Variants in MRPS33 observed in about 807,000 individuals in gnomAD.
MRPS33 encodes mitochondrial ribosomal protein S33.
In MRPS33, 11 loss-of-function variants were observed where a neutral mutation model predicts 11.2. That is an observed-to-expected ratio of 0.99 (90% CI 0.62 to 1.63). MRPS33 has a LOEUF of 1.63. Ranked by LOEUF, MRPS33 falls within the 40% of genes most tolerant of loss-of-function variation. The pLI is 0.00. For missense variants in MRPS33, 109 were observed against 127.8 expected (o/e 0.85, Z 0.71); for synonymous variants, 46 against 44.0 (o/e 1.05, Z -0.18).
At chr7:141,012,120 T>TATGA (rs1389048728) in intron 1 of MRPS33, among the ~76,000 whole-genome samples, 2 of 128,596 alleles carry the variant, frequency 1.6e-5, no homozygotes, top group African/African-American at 2.9e-5. Context: ...TACACTAAGT[T>TATGA]ATGACTGCAC....
At chr7:141,007,565 TG>T (rs1484984002) in intron 2 of MRPS33, among the ~76,000 whole-genome samples, 1 of 152,176 alleles carries the variant, frequency 6.6e-6, no homozygotes, top group East Asian at 1.9e-4. Context: ...CAAATGCCAT[TG>T]TCCTTACTAT....
At chr7:141,013,061 G>GA (rs1028182526) in intron 1 of MRPS33, among the ~76,000 whole-genome samples, 11,469 of 128,442 alleles carry the variant, frequency 0.089, 454 homozygotes, top group Middle Eastern at 0.14. Flanking sequence ...TCATGTTTAA[G>GA]AAAAAAAAAA....
rs562183357 is a variant in MRPS33 at position 141,004,089 on chromosome 7, A to T, written c.*2341T>A. The T allele has an allele frequency of 4.6e-5, 7 of 152,214 alleles. No individual in the cohort carries two copies. The highest frequency in any genetic ancestry group is 1.0e-4 in the Non-Finnish European group (7 of 68,046). The allele number at this position is 152,214 out of a possible 1,614,324, so 9.4% of individuals were successfully genotyped here. A position where few individuals can be genotyped will look rare whatever the true frequency, so the allele number is the denominator to read the frequency against. On this transcript the variant is annotated 3_prime_UTR_variant, in exon 3 of 3. Transcript: ENST00000324787. ...TCTGAGGTGGGTGGATCAGGAGGTC[A>T]AGAGGTTGAGACCATCCTGGCTAAC... is the stretch of plus-strand genomic sequence containing the variant.
chr7:141,010,323 A>C, intron 2 of MRPS33, 96 bp downstream of exon 2: 2 of 1,220,432 alleles, frequency 1.6e-6, no homozygotes, highest in South Asian at 2.9e-5. Context: ...CTCTATTATA[A>C]GAACAAAACT....
chr7:141,006,102 TC>T lies in MRPS33; in HGVS notation c.*327del, dbSNP rs1820517713. 3 of 307,174 alleles carry T rather than the reference TC, an allele frequency of 9.8e-6. No individual in the cohort carries two copies. Among genetic ancestry groups the T allele is most frequent in the Admixed American group, 4.7e-5 (1 of 21,158 alleles). 19.0% of individuals were successfully genotyped at this position (307,174 alleles called of 1,614,324 possible). ...GAGAAATGAGGACACTATAGGATGC[TC>T]ACTTAATGAGGTTTCCCCTCCATTC... On this transcript the variant is annotated 3_prime_UTR_variant, in exon 3 of 3. Coordinates refer to ENST00000324787, the MANE Select transcript of MRPS33 (RefSeq NM_053035.3).
At chr7:141,010,696 G>C in intron 1 of MRPS33, 36 bp from the exon 2 acceptor site, 1 of 1,483,560 alleles carries the variant, frequency 6.7e-7, no homozygotes, top group Non-Finnish European at 9.4e-7. Flanking sequence ...ACAGGTTAGG[G>C]TAAGAAATTC....
At chr7:141,012,599 T>C (rs975293233) in intron 1 of MRPS33, among the ~76,000 whole-genome samples, 1 of 152,234 alleles carries the variant, frequency 6.6e-6, no homozygotes, top group African/African-American at 2.4e-5. Flanking sequence ...TTTCCAAACA[T>C]TAGATTAAAA....
chr7:141,010,307 C>T, intron 2 of MRPS33, 112 bp downstream of exon 2: 4 of 984,744 alleles, frequency 4.1e-6, no homozygotes, highest in Non-Finnish European at 6.0e-6. Flanking sequence ...TTTTGAACTA[C>T]CTGGGCTCTA....
rs1313093341 is a variant in MRPS33 at position 141,002,670 on chromosome 7, T to TTA, written c.*3758_*3759dup. On this transcript the variant is annotated 3_prime_UTR_variant, in exon 3 of 3. Transcript: ENST00000324787. Reference sequence around the variant, plus strand: ...TGATTTATAAATACAAGCATTATGGTTATATATGTTTAAATATATGATGCC... The same window carrying TTA: ...TGATTTATAAATACAAGCATTATGGTTATATATATGTTTAAATATATGATGCC... 1.7e-5 allele frequency: 4 copies of TTA among 234,328 alleles called. No homozygotes were observed. The Admixed American group carries it at 2.0e-4, about 12-fold the overall frequency. 14.5% of individuals were successfully genotyped at this position (234,328 alleles called of 1,614,324 possible). A position where few individuals can be genotyped will look rare whatever the true frequency, so the allele number is the denominator to read the frequency against.
chr7:141,002,670 TTATA>T lies in MRPS33; in HGVS notation c.*3756_*3759del, dbSNP rs1313093341. 1 of 234,328 alleles carries T rather than the reference TTATA, an allele frequency of 4.3e-6. No individual in the cohort carries two copies. The highest frequency in any genetic ancestry group is 9.9e-5 in the East Asian group (1 of 10,126). The allele number at this position is 234,328 out of a possible 1,614,324, so 14.5% of individuals were successfully genotyped here. A position where few individuals can be genotyped will look rare whatever the true frequency, so the allele number is the denominator to read the frequency against. On this transcript the variant is annotated 3_prime_UTR_variant, in exon 3 of 3. Transcript: ENST00000324787. Reference sequence around the variant, plus strand: ...TGATTTATAAATACAAGCATTATGGTTATATATGTTTAAATATATGATGCCTTAT... The same window carrying T: ...TGATTTATAAATACAAGCATTATGGTTATGTTTAAATATATGATGCCTTAT...
intron 2 of MRPS33, chr7:141,009,939 G>C (rs1820632757): frequency 6.5e-6 from 1 of 154,240 alleles, no homozygotes; most frequent in Admixed American, 6.5e-5. Context: ...GAGTAGCTGG[G>C]ACTACAGGCG....
chr7:141,010,841 C>T (rs38738), intron 1 of MRPS33, among the ~76,000 whole-genome samples, 181 bp from the exon 2 acceptor site: 3,514 of 152,284 alleles, frequency 0.023, 49 homozygotes, highest in Middle Eastern at 0.051. Context: ...CCATGCTTTA[C>T]AGCTGCGATT....
At position 141,002,961 on chromosome 7, in the gene MRPS33, GTTCTTTTCACAAATATCTTAT is replaced by G. The variant is rs1820441980; in HGVS notation, c.*3448_*3468del. On this transcript the variant is annotated 3_prime_UTR_variant, in exon 3 of 3. Coordinates refer to ENST00000324787, the MANE Select transcript of MRPS33 (RefSeq NM_053035.3). ...TTTTTAACTTTTTATAATTTACAGA[GTTCTTTTCACAAATATCTTAT>G]TTCATTAATCCAGTGAAGCATTATG... The G allele has an allele frequency of 6.6e-6, 1 of 152,140 alleles. No homozygotes were observed. The highest frequency in any genetic ancestry group is 2.4e-5 in the African/African-American group (1 of 41,396). 9.4% of individuals were successfully genotyped at this position (152,140 alleles called of 1,614,324 possible).
intron 2 of MRPS33, among the ~76,000 whole-genome samples, chr7:141,008,593 G>T (rs1820593165): frequency 1.3e-5 from 2 of 152,172 alleles, no homozygotes; most frequent in South Asian, 4.1e-4. Context: ...AATCTTTAGT[G>T]ATCTGCAATG....
intron 2 of MRPS33, chr7:141,009,632 T>C (rs990266582): frequency 6.6e-5 from 10 of 152,140 alleles, no homozygotes; most frequent in African/African-American, 2.2e-4. Context: ...GGAAGAAATG[T>C]CAACAAAAAT....
intron 1 of MRPS33, among the ~76,000 whole-genome samples, chr7:141,013,753 C>T (rs780234415): frequency 1.3e-5 from 2 of 152,188 alleles, no homozygotes; most frequent in Non-Finnish European, 2.9e-5. Context: ...CTGAGCAAAA[C>T]AAATTAAGCC....
In MRPS33 at chr7:141,011,197, G is replaced by T. The variant is rs139444033; in HGVS notation, c.-27-537C>A. On this transcript the variant is annotated intron_variant, in intron 1 of 2. Coordinates refer to ENST00000324787, the MANE Select transcript of MRPS33 (RefSeq NM_053035.3). The stretch of plus-strand genomic sequence containing the variant: ...TGCTAATGAGTTATGAGGTCATTTG[G>T]CTTCTAGGTTACTGAACTGAATTTT... 4.1e-3 allele frequency among the ~76,000 whole-genome samples: 624 copies of T among 152,248 alleles called. 6 individuals are homozygous for T. Among genetic ancestry groups the T allele is most frequent in the African/African-American group, 0.015 (609 of 41,538 alleles).
rs1371656874 is a variant in MRPS33, at chr7:141,002,681, T to C, written c.*3749A>G. On this transcript the variant is annotated 3_prime_UTR_variant, in exon 3 of 3. Coordinates refer to ENST00000324787, the MANE Select transcript of MRPS33 (RefSeq NM_053035.3). ...TACAAGCATTATGGTTATATATGTT[T>C]AAATATATGATGCCTTATGTTTATT... is the stretch of plus-strand genomic sequence containing the variant. 1.4e-5 allele frequency: 3 copies of C among 220,668 alleles called. No homozygotes were observed. Among genetic ancestry groups the C allele is most frequent in the Non-Finnish European group, 2.8e-5 (3 of 108,718 alleles). 13.7% of individuals were successfully genotyped at this position (220,668 alleles called of 1,614,324 possible).
intron 2 of MRPS33, among the ~76,000 whole-genome samples, chr7:141,007,559 T>C (rs1377386300): frequency 1.3e-5 from 2 of 152,164 alleles, no homozygotes; most frequent in African/African-American, 4.8e-5. Flanking sequence ...CCAGAGCAAA[T>C]GCCATTGTCC....
Sources: gnomAD v4.1 joint callset for allele counts (sites outside exome capture counted in the v4.1 genomes callset) on GRCh38, gnomAD v4.1.1 for gene constraint, MANE v1.5 for transcripts, NCBI Gene and HGNC (gene_info 2026-07-23, HGNC 2026-07-21) for gene names.